NRXN3: variants seen among roughly 807,000 people sequenced by gnomAD.
NRXN3 encodes neurexin 3.
A neutral mutation model predicts 137.6 loss-of-function variants in NRXN3; 32 were observed. That is an observed-to-expected ratio of 0.23 (90% CI 0.18 to 0.31). NRXN3 has a LOEUF of 0.31. NRXN3 is among the 10% of genes least tolerant of loss of function. The pLI is 1.00. For synonymous variants in NRXN3, 798 were observed against 784.5 expected (o/e 1.02, Z -0.29); for missense variants, 1,574 against 2,062.5 (o/e 0.76, Z 4.59).
At chr14:78,851,585 T>C (rs1191582440) in intron 10 of NRXN3, among the ~76,000 whole-genome samples, 2 of 152,182 alleles carry the variant, frequency 1.3e-5, no homozygotes, top group Non-Finnish European at 2.9e-5. Flanking sequence ...GCAAAAAGTG[T>C]GCTTACCACA....
chr14:79,090,815 A>G (rs1283135602), intron 15 of NRXN3, among the ~76,000 whole-genome samples: 2 of 152,154 alleles, frequency 1.3e-5, no homozygotes, highest in Non-Finnish European at 2.9e-5. Flanking sequence ...CTAAACATAC[A>G]TGGTATTTGA....
chr14:78,460,437 T>G (rs113997867), intron 4 of NRXN3, among the ~76,000 whole-genome samples: 6,045 of 152,148 alleles, frequency 0.04, 378 homozygotes, highest in East Asian at 0.34. Flanking sequence ...TATGGTGGAG[T>G]CCCCAGCCAC....
chr14:79,025,014 G>A (rs2099595773), intron 15 of NRXN3, among the ~76,000 whole-genome samples: 1 of 152,088 alleles, frequency 6.6e-6, no homozygotes, highest in Non-Finnish European at 1.5e-5. Context: ...CCCTGGATGT[G>A]ACTGCCTGTA....
chr14:78,185,039 C>T (rs772390476), intron 1 of NRXN3, among the ~76,000 whole-genome samples: 5 of 152,226 alleles, frequency 3.3e-5, no homozygotes, highest in Non-Finnish European at 4.4e-5. Context: ...CTGCTATACA[C>T]GGACCAAGCT....
At chr14:79,239,862 A>G (rs1030230102) in intron 15 of NRXN3, among the ~76,000 whole-genome samples, 6 of 152,210 alleles carry the variant, frequency 3.9e-5, no homozygotes, top group African/African-American at 1.4e-4. Context: ...TTGCAGCAGC[A>G]TGGATAAACA....
chr14:78,528,104 T>A (rs2096406671), intron 4 of NRXN3, among the ~76,000 whole-genome samples: 2 of 152,244 alleles, frequency 1.3e-5, no homozygotes, highest in Admixed American at 6.5e-5. Context: ...TATTCCCAGT[T>A]ACAGATTATC....
chr14:79,221,401 C>T (rs1353296051), intron 15 of NRXN3, among the ~76,000 whole-genome samples: 1 of 152,148 alleles, frequency 6.6e-6, no homozygotes, highest in African/African-American at 2.4e-5. Context: ...TTCTTCACAT[C>T]CTCCCCAGCA....
At chr14:79,488,329 T>C (rs1296487467) in intron 16 of NRXN3, among the ~76,000 whole-genome samples, 1 of 152,180 alleles carries the variant, frequency 6.6e-6, no homozygotes, top group Non-Finnish European at 1.5e-5. Flanking sequence ...TTTTTTTATA[T>C]AAGAAAAATG....
intron 15 of NRXN3, among the ~76,000 whole-genome samples, chr14:79,364,982 A>G (rs148076233): frequency 4.1e-4 from 63 of 152,310 alleles, no homozygotes; most frequent in African/African-American, 1.5e-3. Flanking sequence ...GACCTGCAAT[A>G]TTAGGTATTT....
chr14:78,966,324 T>G lies in NRXN3; in HGVS notation c.2695T>G (p.Phe899Val). The G allele has an allele frequency of 6.2e-7, 1 of 1,614,192 alleles. No homozygotes were observed. ...CACCTCCATGCACCTCTTCTTCCAG[T>G]TCAAGACCACCTCACCAGATGGCTT... ...AYTSMHLFFQ[F>V]KTTSPDGFIL... The change falls in exon 12 of 21, where the codon TTC becomes GTC. Residue 899 changes from phenylalanine to valine, a missense_variant. Physicochemically the swap from Phe to Val is conservative, Grantham distance 50 (BLOSUM62 -1). Coordinates refer to ENST00000335750, the MANE Select transcript of NRXN3 (RefSeq NM_001330195.2).
At chr14:79,003,338 C>T (rs78470105) in intron 15 of NRXN3, among the ~76,000 whole-genome samples, 1 of 152,156 alleles carries the variant, frequency 6.6e-6, no homozygotes, top group East Asian at 1.9e-4. Flanking sequence ...CCAGAACTTT[C>T]AATACACAAT....
chr14:78,978,721 T>C (rs1174135689), intron 14 of NRXN3, among the ~76,000 whole-genome samples: 1 of 147,982 alleles, frequency 6.8e-6, no homozygotes, highest in African/African-American at 2.5e-5. Context: ...ATATATAATA[T>C]ATAAAATATA....
At chr14:78,459,323 C>A (rs1036605901) in intron 4 of NRXN3, among the ~76,000 whole-genome samples, 1 of 152,178 alleles carries the variant, frequency 6.6e-6, no homozygotes, top group Non-Finnish European at 1.5e-5. Flanking sequence ...TAAGGCCTGC[C>A]TGGCTGTCTA....
chr14:78,565,637 G>A (rs1377433690), intron 4 of NRXN3, among the ~76,000 whole-genome samples: 1 of 152,186 alleles, frequency 6.6e-6, no homozygotes, highest in East Asian at 1.9e-4. Context: ...GTTGCTATGA[G>A]GTGCCAGTGT....
intron 2 of NRXN3, among the ~76,000 whole-genome samples, chr14:78,259,068 G>A (rs947269915): frequency 8.6e-5 from 13 of 150,798 alleles, no homozygotes; most frequent in African/African-American, 2.9e-4. Context: ...GGAGGTGGAG[G>A]TTGCAGTGAG....
chr14:78,225,066 G>A (rs1483031976), intron 1 of NRXN3, among the ~76,000 whole-genome samples: 3 of 151,904 alleles, frequency 2.0e-5, no homozygotes, highest in East Asian at 3.9e-4. Context: ...GCACCCGGCC[G>A]CATGTGTCTT....
chr14:79,011,824 G>A (rs1218375496), intron 15 of NRXN3, among the ~76,000 whole-genome samples: 2 of 152,144 alleles, frequency 1.3e-5, no homozygotes, highest in Non-Finnish European at 2.9e-5. Flanking sequence ...CTTAACATCA[G>A]TGTGGACAAA....
intron 20 of NRXN3, chr14:79,823,839 G>A: frequency 2.7e-6 from 1 of 373,550 alleles, no homozygotes; most frequent in Non-Finnish European, 5.9e-6. Context: ...TGATGATGAT[G>A]ATATGCAGGG....
chr14:78,271,349 G>T (rs189023858), intron 2 of NRXN3, among the ~76,000 whole-genome samples: 6 of 152,054 alleles, frequency 3.9e-5, no homozygotes, highest in African/African-American at 1.2e-4. Context: ...CATTATTCCT[G>T]TGTGGCAGAA....
Sources: gnomAD v4.1 joint callset for allele counts (sites outside exome capture counted in the v4.1 genomes callset) on GRCh38, gnomAD v4.1.1 for gene constraint, MANE v1.5 for transcripts, NCBI Gene and HGNC (gene_info 2026-07-23, HGNC 2026-07-21) for gene names.